CAST: variants seen among roughly 807,000 people sequenced by gnomAD.
CAST encodes the protein calpastatin, also known as MIR583 host.
Under a neutral mutation model 119.6 loss-of-function variants are expected in CAST, and 76 were observed. The ratio of observed to expected loss-of-function variants is 0.64; its 90% CI spans 0.53 to 0.77. The LOEUF is 0.77. Ranked by LOEUF, CAST falls within the 30% of genes least tolerant of loss-of-function variation. CAST has a pLI of 0.00. For synonymous variants in CAST, 319 were observed against 331.6 expected, an observed-to-expected ratio of 0.96 and a Z score of 0.41; for missense variants, 953 against 946.5, an observed-to-expected ratio of 1.01 and a Z score of -0.09.
the CAST span, among the ~76,000 whole-genome samples, chr5:96,027,243 G>T: frequency 1.4e-4 from 21 of 151,680 alleles, no homozygotes; most frequent in South Asian, 4.4e-3. Flanking sequence ...CTTAAAGTGT[G>T]GTATCAACCC....
the CAST span, among the ~76,000 whole-genome samples, chr5:96,365,139 T>G: frequency 6.6e-6 from 1 of 152,188 alleles, no homozygotes; most frequent in African/African-American, 2.4e-5. Flanking sequence ...CGGTTTTGAG[T>G]GAGTTTCTTA....
chr5:96,470,419 G>C, the CAST span, among the ~76,000 whole-genome samples: 1 of 152,058 alleles, frequency 6.6e-6, no homozygotes. Flanking sequence ...TAATGGTAAA[G>C]CTAAAATAAT....
At chr5:96,269,544 CAAAT>C in the CAST span, among the ~76,000 whole-genome samples, 20 of 152,140 alleles carry the variant, frequency 1.3e-4, no homozygotes, top group East Asian at 1.5e-3. Context: ...ATGAAAGACT[CAAAT>C]AAATAAAATC....
At chr5:96,763,184 A>C (rs1298264892) in intron 25 of CAST, 1 of 780,742 alleles carries the variant, frequency 1.3e-6, no homozygotes, top group Admixed American at 1.7e-5. Context: ...CTGTAGTCTG[A>C]GATTCTGATG....
intron 12 of CAST, 126 bp from the exon 13 acceptor site, chr5:96,740,619 G>A: frequency 1.4e-6 from 1 of 711,206 alleles, no homozygotes; most frequent in Non-Finnish European, 2.5e-6. Flanking sequence ...GAGGTACTGG[G>A]GTTAAGACTT....
intron 16 of CAST, chr5:96,743,495 TG>T: frequency 2.3e-6 from 3 of 1,313,440 alleles, no homozygotes; most frequent in Non-Finnish European, 1.0e-6. Flanking sequence ...CAGCTCAGGC[TG>T]GGGGTGCTGG....
At chr5:96,740,236 A>G (rs775490529) in intron 12 of CAST, 118 bp downstream of exon 12, 127 of 614,874 alleles carry the variant, frequency 2.1e-4, no homozygotes, top group Middle Eastern at 1.3e-3. Context: ...TGAAATTGTC[A>G]TTACTATGAA....
At chr5:96,109,881 T>C in the CAST span, among the ~76,000 whole-genome samples, 1 of 151,922 alleles carries the variant, frequency 6.6e-6, no homozygotes, top group Admixed American at 6.6e-5. Flanking sequence ...CACATAAAAC[T>C]GTGTTTCAAA....
At chr5:96,454,821 C>T in the CAST span, among the ~76,000 whole-genome samples, 3 of 152,202 alleles carry the variant, frequency 2.0e-5, no homozygotes, top group African/African-American at 7.2e-5. Context: ...CTTCCAATAA[C>T]CATCAAAGAT....
At chr5:96,533,705 G>A (rs1437240206) in intron 1 of CAST, among the ~76,000 whole-genome samples, 1 of 152,178 alleles carries the variant, frequency 6.6e-6, no homozygotes, top group Non-Finnish European at 1.5e-5. Flanking sequence ...GATGGTCATT[G>A]ATGAAGCAGC....
chr5:96,032,724 A>G, the CAST span, among the ~76,000 whole-genome samples: 2 of 152,066 alleles, frequency 1.3e-5, no homozygotes, highest in Non-Finnish European at 2.9e-5. Flanking sequence ...TTCATATCCT[A>G]TATATTTATC....
intron 1 of CAST, among the ~76,000 whole-genome samples, chr5:96,568,564 CAAAAAAAAA>C (rs70981830): frequency 2.8e-5 from 2 of 70,920 alleles, no homozygotes; most frequent in Admixed American, 4.1e-4. Flanking sequence ...GACTCCATCT[CAAAAAAAAA>C]AAAAAAAAAA....
the CAST span, among the ~76,000 whole-genome samples, chr5:96,014,920 T>A: frequency 6.6e-6 from 1 of 152,130 alleles, no homozygotes; most frequent in South Asian, 2.1e-4. Context: ...CAGGAGGACG[T>A]TAAATGATCT....
At chr5:96,396,179 A>C in the CAST span, among the ~76,000 whole-genome samples, 1 of 152,206 alleles carries the variant, frequency 6.6e-6, no homozygotes, top group African/African-American at 2.4e-5. Context: ...GGAGAAAGCT[A>C]TCCTCAGAGA....
chr5:96,725,905 T>C (rs1759159680), intron 4 of CAST, among the ~76,000 whole-genome samples: 1 of 152,194 alleles, frequency 6.6e-6, no homozygotes, highest in African/African-American at 2.4e-5. Flanking sequence ...AAAATTTCTT[T>C]AAAAACATTT....
chr5:96,681,657 C>T (rs1391016570), intron 2 of CAST, among the ~76,000 whole-genome samples: 1 of 145,782 alleles, frequency 6.9e-6, no homozygotes, highest in African/African-American at 2.6e-5. Context: ...GGCGTGAACC[C>T]GGGAGGCGGA....
the CAST span, among the ~76,000 whole-genome samples, chr5:96,085,922 T>C: frequency 6.6e-6 from 1 of 152,196 alleles, no homozygotes; most frequent in Non-Finnish European, 1.5e-5. Context: ...TTTCTAGAAA[T>C]CATAAAATGA....
At chr5:96,574,865 G>T (rs995387911) in intron 1 of CAST, among the ~76,000 whole-genome samples, 1 of 151,972 alleles carries the variant, frequency 6.6e-6, no homozygotes, top group Non-Finnish European at 1.5e-5. Context: ...TTATTTCTGG[G>T]TTCTCTATTA....
At chr5:96,554,406 A>C (rs1440365209) in intron 1 of CAST, among the ~76,000 whole-genome samples, 8 of 152,216 alleles carry the variant, frequency 5.3e-5, no homozygotes, top group Admixed American at 5.2e-4. Context: ...AAATCAACTC[A>C]AGATGGATCA....
Sources: allele counts gnomAD v4.1 joint callset (sites outside exome capture counted in the v4.1 genomes callset), GRCh38; gene constraint gnomAD v4.1.1; transcripts MANE v1.5; gene names NCBI Gene and HGNC (gene_info 2026-07-23, HGNC 2026-07-21).